Variants in GPC5 observed in about 807,000 individuals in gnomAD.
GPC5 encodes glypican 5, also known as glypican-5.
In GPC5, 47 loss-of-function variants were observed where a neutral mutation model predicts 53.9. The observed-to-expected ratio is 0.87, with a 90% CI of 0.69 to 1.11. The LOEUF is 1.11. GPC5 is among the 50% of genes most tolerant of loss of function. GPC5 has a pLI of 0.00. For synonymous variants in GPC5, 286 were observed against 263.3 expected, an observed-to-expected ratio of 1.09 and a Z score of -0.84; for missense variants, 748 against 713.1, an observed-to-expected ratio of 1.05 and a Z score of -0.56.
intron 7 of GPC5, among the ~76,000 whole-genome samples, chr13:92,664,470 T>C (rs558683459): frequency 1.3e-5 from 2 of 152,162 alleles, no homozygotes; most frequent in African/African-American, 4.8e-5. Context: ...ATGTTGACAA[T>C]ACATTATTCT....
intron 7 of GPC5, among the ~76,000 whole-genome samples, chr13:92,164,112 A>G (rs2042010314): frequency 6.6e-6 from 1 of 152,176 alleles, no homozygotes; most frequent in Non-Finnish European, 1.5e-5. Flanking sequence ...TTACAATTCA[A>G]GATGAAATTT....
At chr13:92,069,199 C>A (rs1222568650) in intron 6 of GPC5, among the ~76,000 whole-genome samples, 4 of 151,978 alleles carry the variant, frequency 2.6e-5, no homozygotes, top group Admixed American at 2.0e-4. Context: ...TATTGATGCT[C>A]AATATTATTT....
chr13:91,705,865 T>G (rs1478957365), intron 3 of GPC5, among the ~76,000 whole-genome samples: 1 of 149,542 alleles, frequency 6.7e-6, no homozygotes, highest in Non-Finnish European at 1.5e-5. Flanking sequence ...AACTTTTTTC[T>G]TTTTTTTTCT....
intron 7 of GPC5, among the ~76,000 whole-genome samples, chr13:92,464,585 G>C (rs1878619003): frequency 6.6e-6 from 1 of 151,892 alleles, no homozygotes; most frequent in Non-Finnish European, 1.5e-5. Flanking sequence ...TTACTGATGG[G>C]TTCATAGTTA....
intron 7 of GPC5, among the ~76,000 whole-genome samples, chr13:92,720,537 T>G (rs1312745901): frequency 6.6e-6 from 1 of 152,114 alleles, no homozygotes; most frequent in African/African-American, 2.4e-5. Flanking sequence ...AGTAATGATT[T>G]TATAATCTCG....
At chr13:92,212,073 A>G (rs1276978350) in intron 7 of GPC5, among the ~76,000 whole-genome samples, 1 of 151,530 alleles carries the variant, frequency 6.6e-6, no homozygotes, top group Non-Finnish European at 1.5e-5. Flanking sequence ...AAGTGCCACA[A>G]TAAAGCAAAA....
At chr13:92,768,155 T>C (rs1391299502) in intron 7 of GPC5, among the ~76,000 whole-genome samples, 1 of 152,210 alleles carries the variant, frequency 6.6e-6, no homozygotes, top group Non-Finnish European at 1.5e-5. Flanking sequence ...CTAACATAAT[T>C]GCAGTTTTTT....
chr13:92,146,644 C>CT (rs896043298), intron 7 of GPC5, among the ~76,000 whole-genome samples: 5 of 152,146 alleles, frequency 3.3e-5, no homozygotes, highest in East Asian at 3.9e-4. Context: ...AATTTGTAGT[C>CT]TTTTTTCTGT....
At chr13:92,206,507 T>C (rs1191858220) in intron 7 of GPC5, among the ~76,000 whole-genome samples, 1 of 152,042 alleles carries the variant, frequency 6.6e-6, no homozygotes, top group Admixed American at 6.5e-5. Context: ...TATTTTTATG[T>C]TTTGTTCCTT....
At chr13:92,150,142 C>T (rs2041896780) in intron 7 of GPC5, among the ~76,000 whole-genome samples, 1 of 151,784 alleles carries the variant, frequency 6.6e-6, no homozygotes, top group Non-Finnish European at 1.5e-5. Context: ...TCCATTCATA[C>T]TAAAAATAAT....
chr13:91,966,503 G>C (rs1304741032), intron 6 of GPC5, among the ~76,000 whole-genome samples: 1 of 152,172 alleles, frequency 6.6e-6, no homozygotes, highest in Non-Finnish European at 1.5e-5. Flanking sequence ...TGTGCAGACA[G>C]AGATTGAGAC....
chr13:91,465,478 C>A (rs182887386), intron 2 of GPC5, among the ~76,000 whole-genome samples: 48 of 151,926 alleles, frequency 3.2e-4, no homozygotes, highest in Admixed American at 1.1e-3. Flanking sequence ...TTCATCTAAT[C>A]GCAAATTGGA....
chr13:91,868,181 T>C (rs1276248973), intron 5 of GPC5, among the ~76,000 whole-genome samples: 1 of 152,208 alleles, frequency 6.6e-6, no homozygotes, highest in Non-Finnish European at 1.5e-5. Context: ...ATATAAGCTG[T>C]GTCATTCACT....
At chr13:91,873,431 G>A (rs1224317307) in intron 5 of GPC5, among the ~76,000 whole-genome samples, 1 of 152,108 alleles carries the variant, frequency 6.6e-6, no homozygotes, top group Non-Finnish European at 1.5e-5. Context: ...CCTGTTGAGG[G>A]AGTAACCTGG....
At chr13:92,073,765 A>G (rs1287672625) in intron 6 of GPC5, among the ~76,000 whole-genome samples, 1 of 152,178 alleles carries the variant, frequency 6.6e-6, no homozygotes, top group Non-Finnish European at 1.5e-5. Flanking sequence ...AGTCAGTTGT[A>G]GCCCTGTATG....
chr13:92,766,356 A>T (rs1003335476), intron 7 of GPC5, among the ~76,000 whole-genome samples: 1 of 152,128 alleles, frequency 6.6e-6, no homozygotes. Context: ...ACTGAACAAC[A>T]TATAAAGTGA....
At chr13:91,827,137 C>G (rs1399443128) in intron 5 of GPC5, among the ~76,000 whole-genome samples, 1 of 151,742 alleles carries the variant, frequency 6.6e-6, no homozygotes, top group Non-Finnish European at 1.5e-5. Flanking sequence ...CCCAATTACC[C>G]TGATGTGATC....
At chr13:91,630,443 A>T (rs2034127408) in intron 2 of GPC5, among the ~76,000 whole-genome samples, 1 of 152,186 alleles carries the variant, frequency 6.6e-6, no homozygotes, top group Admixed American at 6.5e-5. Flanking sequence ...AGCAGTTCAG[A>T]GATAGACATA....
chr13:92,805,936 A>G (rs1032470093), intron 7 of GPC5, among the ~76,000 whole-genome samples: 2 of 151,986 alleles, frequency 1.3e-5, no homozygotes, highest in Non-Finnish European at 2.9e-5. Flanking sequence ...CACCAGCTGC[A>G]TTATCCCCTA....
Sources: allele counts gnomAD v4.1 joint callset (sites outside exome capture counted in the v4.1 genomes callset), GRCh38; gene constraint gnomAD v4.1.1; transcripts MANE v1.5; gene names NCBI Gene and HGNC (gene_info 2026-07-23, HGNC 2026-07-21).